KANK1: variants seen among roughly 807,000 people sequenced by gnomAD.
KANK1 encodes the protein KN motif and ankyrin repeat domain-containing protein 1.
A neutral mutation model predicts 106.2 loss-of-function variants in KANK1; 109 were observed. That is an observed-to-expected ratio of 1.03 (90% CI 0.88 to 1.20). KANK1 has a LOEUF of 1.20. Among genes scored for constraint, KANK1 ranks in the 50% most tolerant of loss-of-function variants. The pLI, the probability that KANK1 is intolerant of heterozygous loss-of-function variation, is 0.00. For missense variants in KANK1, 2,399 were observed against 1,710.7 expected (o/e 1.40, Z -7.10); for synonymous variants, 873 against 652.2 (o/e 1.34, Z -5.16).
intron 2 of KANK1, among the ~76,000 whole-genome samples, chr9:690,520 A>T (rs1819661258): frequency 6.6e-6 from 1 of 152,040 alleles, no homozygotes; most frequent in Non-Finnish European, 1.5e-5. Context: ...GTGTATGTAT[A>T]AGGCACCTGC....
intron 7 of KANK1, among the ~76,000 whole-genome samples, 190 bp from the exon 8 acceptor site, chr9:738,095 C>T (rs1293387426): frequency 3.9e-5 from 6 of 152,180 alleles, no homozygotes; most frequent in Non-Finnish European, 8.8e-5. Context: ...AGAATCTACA[C>T]GTCATTTAAA....
At chr9:633,280 T>C (rs1030047081) in intron 1 of KANK1, among the ~76,000 whole-genome samples, 6 of 151,496 alleles carry the variant, frequency 4.0e-5, no homozygotes, top group South Asian at 2.1e-4. Flanking sequence ...CACGGTGAAA[T>C]CGCATCTCTA....
Position 724,951 on chromosome 9 carries a change from C to G in KANK1, c.2699-5100C>G, listed in dbSNP as rs1172104380. Among the ~76,000 whole-genome samples the G allele has an allele frequency of 7.2e-5, 11 of 152,206 alleles. No homozygotes were observed. The East Asian group carries it at 2.1e-3, about 29-fold the overall frequency. On this transcript the variant is annotated intron_variant, in intron 3 of 11. Coordinates refer to ENST00000382297, the MANE Select transcript of KANK1 (RefSeq NM_015158.5). ...TTTATCTACTTTGCTTAAAATAAGT[C>G]AAAGGCACATTAGGCATTTCATATT...
chr9:707,338 G>C (rs940013743), intron 2 of KANK1: 6 of 612,786 alleles, frequency 9.8e-6, no homozygotes, highest in Admixed American at 6.3e-5. Context: ...GGTGCGCACT[G>C]CTGGGCCGCT....
Position 711,923 on chromosome 9 carries a change from G to A in KANK1, c.1157G>A (p.Cys386Tyr), listed in dbSNP as rs777407761. The A allele has an allele frequency of 8.1e-6, 13 of 1,614,074 alleles. No homozygotes were observed. The African/African-American group carries it at 1.1e-4, about 13-fold the overall frequency. The change falls in exon 3 of 12, where the codon TGT (cysteine) becomes TAT (tyrosine). Residue 386 changes from cysteine (C) to tyrosine (Y), a missense_variant. Coordinates refer to ENST00000382297, the MANE Select transcript of KANK1 (RefSeq NM_015158.5). ...ALEQKIQDSS[C>Y]EASSELRENG... ...GAGCAGAAGATCCAGGACAGCAGCT[G>A]TGAGGCCTCCTCAGAGCTCAGGGAG... is the stretch of plus-strand genomic sequence containing the variant.
intron 1 of KANK1, among the ~76,000 whole-genome samples, chr9:588,807 T>G (rs1254421539): frequency 6.6e-6 from 1 of 152,026 alleles, no homozygotes; most frequent in African/African-American, 2.4e-5. Context: ...GTAAGTAAAA[T>G]GAAAATAGTA....
At chr9:720,273 T>A (rs962446482) in intron 3 of KANK1, among the ~76,000 whole-genome samples, 1 of 152,222 alleles carries the variant, frequency 6.6e-6, no homozygotes, top group Non-Finnish European at 1.5e-5. Context: ...CGTTGCCACC[T>A]GGTGAGAATT....
intron 1 of KANK1, among the ~76,000 whole-genome samples, chr9:512,249 G>GTGTGTGTGTGTA (rs370159663): frequency 2.0e-5 from 3 of 149,506 alleles, no homozygotes; most frequent in South Asian, 2.1e-4. Flanking sequence ...GTGTGTGTGT[G>GTGTGTGTGTGTA]TATGTATATA....
chr9:713,474 ACC>A lies in KANK1; in HGVS notation c.2698+12_2698+13del, dbSNP rs1826784921. ...CTGGGTAAAATCACAGGTAGGTGGTACCCTGAGGACCTGGGAATGAGGAAGGA... is the reference window on the plus strand; with the variant it reads ...CTGGGTAAAATCACAGGTAGGTGGTACTGAGGACCTGGGAATGAGGAAGGA... On this transcript the variant is annotated intron_variant, in intron 3 of 11. Coordinates refer to ENST00000382297, the MANE Select transcript of KANK1 (RefSeq NM_015158.5). 6.5e-7 allele frequency: 1 copy of A among 1,539,902 alleles called. No individual in the cohort carries two copies. Among genetic ancestry groups the A allele is most frequent in the African/African-American group, 1.4e-5 (1 of 72,216 alleles).
At chr9:555,060 A>G (rs1485070591) in intron 1 of KANK1, among the ~76,000 whole-genome samples, 1 of 152,224 alleles carries the variant, frequency 6.6e-6, no homozygotes. Context: ...ATTAACCTGC[A>G]TACCAGGTAA....
intron 1 of KANK1, among the ~76,000 whole-genome samples, chr9:634,315 C>G (rs1836537186): frequency 6.6e-6 from 1 of 151,992 alleles, no homozygotes; most frequent in African/African-American, 2.4e-5. Context: ...CCTGTGCCAC[C>G]TCACCTGCAC....
intron 1 of KANK1, among the ~76,000 whole-genome samples, chr9:584,503 G>T (rs530799120): frequency 6.6e-6 from 1 of 152,240 alleles, no homozygotes; most frequent in South Asian, 2.1e-4. Flanking sequence ...TAGTAATATG[G>T]TATTTGATCT....
chr9:494,089 G>T (rs1343160789), intron 3 of KANK1, among the ~76,000 whole-genome samples: 1 of 151,530 alleles, frequency 6.6e-6, no homozygotes, highest in East Asian at 1.9e-4. Flanking sequence ...CACTATGTTA[G>T]CCAGGCTGGT....
intron 3 of KANK1, among the ~76,000 whole-genome samples, chr9:726,308 G>T (rs1042260066): frequency 2.6e-5 from 4 of 152,034 alleles, no homozygotes; most frequent in African/African-American, 9.7e-5. Flanking sequence ...ATCATTAGAG[G>T]GAATAAGCCC....
At chr9:611,500 C>T (rs1040314900) in intron 1 of KANK1, among the ~76,000 whole-genome samples, 2 of 152,186 alleles carry the variant, frequency 1.3e-5, no homozygotes, top group Non-Finnish European at 2.9e-5. Context: ...CTGCTCCTTG[C>T]ACAGAAGCTG....
intron 1 of KANK1, among the ~76,000 whole-genome samples, chr9:669,146 A>G (rs779689154): frequency 6.6e-6 from 1 of 152,152 alleles, no homozygotes; most frequent in Non-Finnish European, 1.5e-5. Flanking sequence ...GTATTTTGAT[A>G]TTGCCTATCT....
At chr9:504,496 G>A (rs2058634332), upstream of KANK1, among the ~76,000 whole-genome samples, 1 of 151,278 alleles carries the variant, frequency 6.6e-6, no homozygotes, top group Admixed American at 6.6e-5. Context: ...GGCGGAGGGA[G>A]CAGCCGGGGC....
chr9:681,902 C>G (rs1588875793), intron 2 of KANK1, among the ~76,000 whole-genome samples: 2 of 152,296 alleles, frequency 1.3e-5, no homozygotes, highest in Admixed American at 6.5e-5. Flanking sequence ...TTCCCTCATG[C>G]TCTTTCTTTT....
intron 1 of KANK1, among the ~76,000 whole-genome samples, chr9:582,676 A>G (rs1207508178): frequency 6.6e-6 from 1 of 152,238 alleles, no homozygotes; most frequent in Non-Finnish European, 1.5e-5. Context: ...AGATCTCTGT[A>G]GAGTATGGCA....
Sources: allele counts gnomAD v4.1 joint callset (sites outside exome capture counted in the v4.1 genomes callset), GRCh38; gene constraint gnomAD v4.1.1; transcripts MANE v1.5; gene names NCBI Gene and HGNC (gene_info 2026-07-23, HGNC 2026-07-21).